Variants in GAB1 observed in about 807,000 individuals in gnomAD.
The protein encoded by GAB1 is GRB2 associated binding protein 1.
In GAB1, 19 loss-of-function variants were observed where a neutral mutation model predicts 66.5. The observed-to-expected ratio is 0.29, with a 90% CI of 0.20 to 0.42. GAB1 has a LOEUF of 0.42. Among genes scored for constraint, GAB1 ranks in the 10% least tolerant of loss-of-function variants. The probability of loss-of-function intolerance (pLI) is 1.00; values close to 1 mark genes in which losing one functional copy is unlikely to be tolerated. For missense variants in GAB1, 732 were observed against 858.5 expected (o/e 0.85, Z 1.84); for synonymous variants, 294 against 301.4 (o/e 0.98, Z 0.25).
At chr4:143,394,128 G>C (rs1731319541) in intron 1 of GAB1, among the ~76,000 whole-genome samples, 1 of 152,222 alleles carries the variant, frequency 6.6e-6, no homozygotes, top group South Asian at 2.1e-4. Context: ...AAAAAAATTA[G>C]CTGGGCATGG....
chr4:143,353,322 G>C (rs559281523), intron 1 of GAB1, among the ~76,000 whole-genome samples: 25 of 152,298 alleles, frequency 1.6e-4, no homozygotes, highest in African/African-American at 6.0e-4. Flanking sequence ...CACCAAAAGT[G>C]GGTCTACTTG....
intron 1 of GAB1, among the ~76,000 whole-genome samples, chr4:143,374,165 A>T (rs1011933384): frequency 2.0e-5 from 3 of 151,916 alleles, no homozygotes; most frequent in African/African-American, 7.3e-5. Context: ...TCTTGACTCC[A>T]CTCAAATGCC....
At chr4:143,406,994 A>G (rs1205240383) in intron 1 of GAB1, among the ~76,000 whole-genome samples, 1 of 152,208 alleles carries the variant, frequency 6.6e-6, no homozygotes, top group Non-Finnish European at 1.5e-5. Flanking sequence ...AACCTAATAA[A>G]TAAATTTACC....
At chr4:143,425,916 A>C (rs1733325475) in intron 2 of GAB1, 2 of 1,324,768 alleles carry the variant, frequency 1.5e-6, no homozygotes, top group Non-Finnish European at 2.1e-6. Context: ...AGGAGCAACC[A>C]CTGGAAGGTC....
chr4:143,465,082 G>A (rs888803317), intron 8 of GAB1, among the ~76,000 whole-genome samples: 63 of 152,286 alleles, frequency 4.1e-4, no homozygotes, highest in East Asian at 3.9e-3. Context: ...ACAGTCTTGC[G>A]TATGAGAAGC....
intron 1 of GAB1, among the ~76,000 whole-genome samples, chr4:143,361,419 C>G (rs979027714): frequency 6.6e-6 from 1 of 152,104 alleles, no homozygotes; most frequent in Non-Finnish European, 1.5e-5. Context: ...TTATAGTGGC[C>G]TTTGACCAAA....
intron 6 of GAB1, among the ~76,000 whole-genome samples, chr4:143,458,382 C>A (rs1441441051): frequency 6.6e-6 from 1 of 151,974 alleles, no homozygotes; most frequent in Non-Finnish European, 1.5e-5. Flanking sequence ...TTTAAAATGA[C>A]CATTCATTTT....
intron 1 of GAB1, among the ~76,000 whole-genome samples, chr4:143,370,273 C>A (rs1196879502): frequency 6.6e-6 from 1 of 152,188 alleles, no homozygotes; most frequent in Non-Finnish European, 1.5e-5. Flanking sequence ...CTTATAGGAG[C>A]TGAGGTCTGC....
intron 2 of GAB1, among the ~76,000 whole-genome samples, chr4:143,417,870 G>T (rs1732781337): frequency 6.6e-6 from 1 of 152,216 alleles, no homozygotes; most frequent in Non-Finnish European, 1.5e-5. Flanking sequence ...TGTCTTTGTG[G>T]TTATACTCAC....
At chr4:143,353,513 G>T (rs1729311140) in intron 1 of GAB1, among the ~76,000 whole-genome samples, 1 of 152,018 alleles carries the variant, frequency 6.6e-6, no homozygotes, top group Admixed American at 6.6e-5. Flanking sequence ...AGGTGGGAAT[G>T]GTTACTTAAT....
intron 1 of GAB1, among the ~76,000 whole-genome samples, chr4:143,361,195 T>G (rs1729650881): frequency 6.6e-6 from 1 of 152,228 alleles, no homozygotes; most frequent in Non-Finnish European, 1.5e-5. Flanking sequence ...GGATGCATTT[T>G]AGGGTATAGC....
chr4:143,454,173 C>T (rs1449166421), intron 6 of GAB1, among the ~76,000 whole-genome samples: 1 of 152,216 alleles, frequency 6.6e-6, no homozygotes, highest in Non-Finnish European at 1.5e-5. Flanking sequence ...GTTGTAAACA[C>T]ATCCGTATTC....
intron 1 of GAB1, among the ~76,000 whole-genome samples, chr4:143,373,864 A>ATATATATATATATATATATATATATATAT (rs1553945752): frequency 5.9e-5 from 3 of 50,842 alleles, no homozygotes; most frequent in African/African-American, 1.0e-4. Context: ...TCTGTAAATA[A>ATATATATATATATATATATATATATATAT]ATAAATATAT....
intron 1 of GAB1, among the ~76,000 whole-genome samples, chr4:143,413,982 C>T (rs1262912955): frequency 6.6e-6 from 1 of 151,690 alleles, no homozygotes; most frequent in Non-Finnish European, 1.5e-5. Context: ...CCACCACACC[C>T]AGCTAATTTT....
Position 143,425,783 on chromosome 4 carries a change from C to T in GAB1, c.368-7708C>T, listed in dbSNP as rs1578696425. On this transcript the variant is annotated intron_variant, in intron 2 of 9. Coordinates refer to ENST00000262994, the MANE Select transcript of GAB1 (RefSeq NM_002039.4). ...CTGCTACTCAGCCTGAGGTTGCACA[C>T]TGATCTGAAGGCATGCAGGTGCCTT... The T allele has an allele frequency of 7.7e-6, 6 of 776,650 alleles. 1 individual carries two copies. In the Admixed American group the frequency reaches 1.0e-4, roughly 13 times the overall value. 48.1% of individuals were successfully genotyped at this position (776,650 alleles called of 1,614,324 possible).
chr4:143,350,287 C>T (rs988297672), intron 1 of GAB1, among the ~76,000 whole-genome samples: 1 of 152,206 alleles, frequency 6.6e-6, no homozygotes, highest in African/African-American at 2.4e-5. Context: ...CAGCATATGT[C>T]AACTGCCTGA....
chr4:143,357,230 C>T (rs912860389), intron 1 of GAB1, among the ~76,000 whole-genome samples: 3 of 152,160 alleles, frequency 2.0e-5, no homozygotes, highest in African/African-American at 7.2e-5. Context: ...ATGCCCAGAT[C>T]ATAAAGATGC....
At chr4:143,367,267 T>C (rs1006227312) in intron 1 of GAB1, among the ~76,000 whole-genome samples, 2 of 124,600 alleles carry the variant, frequency 1.6e-5, no homozygotes, top group Non-Finnish European at 3.6e-5. Flanking sequence ...GATACAGTGA[T>C]CTAATGTTGT....
At position 143,341,503 on chromosome 4, in the gene GAB1, T is replaced by C. The variant is rs557478730; in HGVS notation, c.72+4243T>C. On this transcript the variant is annotated intron_variant, in intron 1 of 9. Coordinates refer to ENST00000262994, the MANE Select transcript of GAB1 (RefSeq NM_002039.4). ...CTCCTCCATAGCCCAGCTGTCAGCATTGGGCAGGTGCACAATCTCAGCAGG... is the reference window on the plus strand; with the variant it reads ...CTCCTCCATAGCCCAGCTGTCAGCACTGGGCAGGTGCACAATCTCAGCAGG... 4.5e-4 allele frequency among the ~76,000 whole-genome samples: 69 copies of C among 152,340 alleles called. 1 individual carries two copies. Among genetic ancestry groups the C allele is most frequent in the African/African-American group, 1.5e-3 (61 of 41,578 alleles).
Sources: gnomAD v4.1 joint callset for allele counts (sites outside exome capture counted in the v4.1 genomes callset) on GRCh38, gnomAD v4.1.1 for gene constraint, MANE v1.5 for transcripts, NCBI Gene and HGNC (gene_info 2026-07-23, HGNC 2026-07-21) for gene names.